Variants in RALGAPA1 observed in about 807,000 individuals in gnomAD.
The protein encoded by RALGAPA1 is ral GTPase-activating protein subunit alpha-1.
Under a neutral mutation model 269.6 loss-of-function variants are expected in RALGAPA1, and 52 were observed. The observed-to-expected ratio is 0.19, with a 90% CI of 0.15 to 0.24. The LOEUF (loss-of-function observed/expected upper bound fraction) is 0.24. Among genes scored for constraint, RALGAPA1 ranks in the 10% least tolerant of loss-of-function variants. The pLI is 1.00. For missense variants in RALGAPA1, 1,917 were observed against 3,013.9 expected, an observed-to-expected ratio of 0.64 and a Z score of 8.52; for synonymous variants, 817 against 1,008.3, an observed-to-expected ratio of 0.81 and a Z score of 3.60.
At chr14:35,540,913 T>C (rs74943345) in intron 41 of RALGAPA1, among the ~76,000 whole-genome samples, 3,411 of 152,230 alleles carry the variant, frequency 0.022, 132 homozygotes, top group South Asian at 0.15. Context: ...TTCATATCTA[T>C]GAAATGTTTT....
rs139418156 is a variant in RALGAPA1, at chr14:35,720,345, A to C, written c.2266+1343T>G. On this transcript the variant is annotated intron_variant, in intron 16 of 41. Coordinates refer to ENST00000680220, the MANE Select transcript of RALGAPA1 (RefSeq NM_001346249.2). The stretch of plus-strand genomic sequence containing the variant: ...TTAACCATGTATTTTAATTCTTTTA[A>C]AATCTTTAATCTCTTATTTTCTTTC... 4.0e-3 allele frequency among the ~76,000 whole-genome samples: 614 copies of C among 152,250 alleles called. 3 individuals are homozygous for C. The highest frequency in any genetic ancestry group is 0.014 in the African/African-American group (567 of 41,544).
chr14:35,665,263 A>G (rs2063836546), intron 26 of RALGAPA1, among the ~76,000 whole-genome samples: 1 of 152,212 alleles, frequency 6.6e-6, no homozygotes, highest in Admixed American at 6.5e-5. Flanking sequence ...ACCACTTACT[A>G]GAAGCAACAT....
chr14:35,639,667 C>A (rs975490484), intron 31 of RALGAPA1, among the ~76,000 whole-genome samples: 1 of 152,190 alleles, frequency 6.6e-6, no homozygotes, highest in East Asian at 1.9e-4. Flanking sequence ...TGGCCAGGTG[C>A]GGTGGCTCGT....
intron 17 of RALGAPA1, among the ~76,000 whole-genome samples, chr14:35,699,557 G>A (rs2067171484): frequency 6.6e-6 from 1 of 152,126 alleles, no homozygotes; most frequent in Non-Finnish European, 1.5e-5. Context: ...AGGTTTTGAA[G>A]CTCCTTGGAA....
chr14:35,804,570 AAAATAAATAAATAAATAAATAAAT>A (rs71124718), intron 1 of RALGAPA1, among the ~76,000 whole-genome samples: 14 of 145,676 alleles, frequency 9.6e-5, no homozygotes, highest in Non-Finnish European at 1.2e-4. Context: ...CTCCATCTCA[AAAATAAATAAATAAATAAATAAAT>A]AAATAAATAA....
chr14:35,746,459 AGATT>A lies in RALGAPA1; in HGVS notation c.1251+2122_1251+2125del, dbSNP rs1186551309. ...ATGTAAGGCCATGATTATGTTAACC[AGATT>A]GATTGTAGTAATCATCCGCAATGTA... On this transcript the variant is annotated intron_variant, in intron 10 of 41. Coordinates refer to ENST00000680220, the MANE Select transcript of RALGAPA1 (RefSeq NM_001346249.2). 1.5e-3 allele frequency among the ~76,000 whole-genome samples: 224 copies of A among 152,336 alleles called. 2 individuals carry two copies. The highest frequency in any genetic ancestry group is 1.8e-4 in the Non-Finnish European group (12 of 68,036).
intron 35 of RALGAPA1, among the ~76,000 whole-genome samples, chr14:35,613,004 A>C (rs1395132045): frequency 6.6e-6 from 1 of 152,194 alleles, no homozygotes; most frequent in East Asian, 1.9e-4. Context: ...ATATCTGATA[A>C]AGAACTTGTA....
At chr14:35,609,893 A>G (rs1594798064) in intron 35 of RALGAPA1, among the ~76,000 whole-genome samples, 1 of 149,742 alleles carries the variant, frequency 6.7e-6, no homozygotes, top group Non-Finnish European at 1.5e-5. Context: ...GTGCCACTGC[A>G]CTCCAGCCTG....
At chr14:35,698,068 A>G (rs547476692) in intron 17 of RALGAPA1, among the ~76,000 whole-genome samples, 143 of 152,334 alleles carry the variant, frequency 9.4e-4, no homozygotes, top group Non-Finnish European at 5.9e-5. Context: ...TGATAATCAG[A>G]TATAAAGTTT....
rs527581449 is a variant in RALGAPA1, at chr14:35,556,777, G to A, written c.7497-7543C>T. Among the ~76,000 whole-genome samples, 396 of 152,264 alleles carry A rather than the reference G, an allele frequency of 2.6e-3. 1 individual carries two copies. The highest frequency in any genetic ancestry group is 9.0e-3 in the African/African-American group (376 of 41,564). On this transcript the variant is annotated intron_variant, in intron 39 of 41. Coordinates refer to ENST00000680220, the MANE Select transcript of RALGAPA1 (RefSeq NM_001346249.2). ...TGGTACTTCTTTATCTAAGTCCCAT[G>A]GGCTGCCAGATGACTCAAAATCCAT... is the stretch of plus-strand genomic sequence containing the variant.
At chr14:35,729,403 T>TA (rs1486920801) in intron 12 of RALGAPA1, among the ~76,000 whole-genome samples, 1 of 151,394 alleles carries the variant, frequency 6.6e-6, no homozygotes, top group South Asian at 2.1e-4. Context: ...TAAAAAAGTA[T>TA]AAAAAAAAGT....
At chr14:35,726,160 G>T (rs1015997545) in intron 13 of RALGAPA1, among the ~76,000 whole-genome samples, 2 of 152,162 alleles carry the variant, frequency 1.3e-5, no homozygotes, top group African/African-American at 4.8e-5. Context: ...GGCAGGGGCG[G>T]CAACAGATCC....
At position 35,808,883 on chromosome 14, in the gene RALGAPA1, G is replaced by A. The variant is rs952778753; in HGVS notation, c.-48C>T. The A allele has an allele frequency of 6.3e-6, 10 of 1,577,944 alleles. No homozygotes were observed. Among genetic ancestry groups the A allele is most frequent in the African/African-American group, 1.3e-5 (1 of 74,202 alleles). ...CCACTGCCACAGCCGGCTCCCAGCCGGGTCCCGGCGGCAGAAAGTGGAGGG... is the reference window on the plus strand; with the variant it reads ...CCACTGCCACAGCCGGCTCCCAGCCAGGTCCCGGCGGCAGAAAGTGGAGGG... On this transcript the variant is annotated 5_prime_UTR_variant, in exon 1 of 42. Transcript: ENST00000680220.
intron 16 of RALGAPA1, among the ~76,000 whole-genome samples, chr14:35,703,856 C>CA (rs34474277): frequency 0.023 from 3,227 of 142,718 alleles, 93 homozygotes; most frequent in South Asian, 0.15. Flanking sequence ...TTTCCCCTCT[C>CA]AAAAAAAAAA....
chr14:35,659,101 A>C, intron 28 of RALGAPA1, 37 bp downstream of exon 28: 2 of 1,495,072 alleles, frequency 1.3e-6, no homozygotes, highest in Non-Finnish European at 1.8e-6. Flanking sequence ...TTCCAAACAC[A>C]AAATAGTTAT....
intron 38 of RALGAPA1, among the ~76,000 whole-genome samples, chr14:35,571,407 G>A (rs550402958): frequency 1.3e-5 from 2 of 151,902 alleles, no homozygotes; most frequent in Middle Eastern, 3.4e-3. Context: ...TTTAAGGCTG[G>A]GCGTGGTGGC....
intron 6 of RALGAPA1, among the ~76,000 whole-genome samples, chr14:35,760,576 T>A (rs1202916806): frequency 1.3e-5 from 2 of 152,200 alleles, no homozygotes; most frequent in Non-Finnish European, 2.9e-5. Context: ...CCTGACCAAC[T>A]CTGGTGCTTC....
intron 1 of RALGAPA1, among the ~76,000 whole-genome samples, chr14:35,792,518 C>T (rs1246731520): frequency 6.6e-6 from 1 of 151,996 alleles, no homozygotes; most frequent in African/African-American, 2.4e-5. Flanking sequence ...CATGGTGGCT[C>T]ATGCCTGTAA....
intron 2 of RALGAPA1, among the ~76,000 whole-genome samples, chr14:35,775,285 T>A (rs2074936999): frequency 6.6e-6 from 1 of 152,166 alleles, no homozygotes; most frequent in Non-Finnish European, 1.5e-5. Context: ...AATCATGATA[T>A]ATTACAAAGA....
Sources: gnomAD v4.1 joint callset for allele counts (sites outside exome capture counted in the v4.1 genomes callset) on GRCh38, gnomAD v4.1.1 for gene constraint, MANE v1.5 for transcripts, NCBI Gene and HGNC (gene_info 2026-07-23, HGNC 2026-07-21) for gene names.